Variants in IGSF10 observed in about 807,000 individuals in gnomAD.
The protein encoded by IGSF10 is immunoglobulin superfamily member 10, also known as calvaria mechanical force protein 608.
IGSF10 carries 126 observed loss-of-function variants against 128.2 expected under a neutral mutation model. The ratio of observed to expected loss-of-function variants is 0.98; its 90% CI spans 0.85 to 1.14. IGSF10 has a LOEUF of 1.14. Ranked by LOEUF, IGSF10 falls within the 50% of genes most tolerant of loss-of-function variation. IGSF10 has a pLI of 0.00. For synonymous variants in IGSF10, 1,185 were observed against 1,146.2 expected, an observed-to-expected ratio of 1.03 and a Z score of -0.68; for missense variants, 3,295 against 3,149.8, an observed-to-expected ratio of 1.05 and a Z score of -1.10.
At chr3:151,614,556 C>T in the IGSF10 span, among the ~76,000 whole-genome samples, 1 of 151,974 alleles carries the variant, frequency 6.6e-6, no homozygotes, top group East Asian at 1.9e-4. Flanking sequence ...TCATTCTCAG[C>T]AAACTATCGC....
At chr3:151,435,386 G>GCATAT (rs1720032147), downstream of IGSF10, 1 of 137,010 alleles carries the variant, frequency 7.3e-6, no homozygotes, top group Admixed American at 7.6e-5. Flanking sequence ...GGAGATCAAT[G>GCATAT]CGTAGCTTTG....
the IGSF10 span, among the ~76,000 whole-genome samples, chr3:151,478,114 C>T: frequency 3.3e-5 from 5 of 152,324 alleles, no homozygotes; most frequent in East Asian, 9.6e-4. Flanking sequence ...TCAGGCAGCA[C>T]CTTAAACCTT....
At chr3:151,599,381 A>C in the IGSF10 span, among the ~76,000 whole-genome samples, 1 of 152,154 alleles carries the variant, frequency 6.6e-6, no homozygotes, top group African/African-American at 2.4e-5. Flanking sequence ...AAGCAATAAA[A>C]ATTTTTTGCA....
At chr3:151,494,605 A>G in the IGSF10 span, among the ~76,000 whole-genome samples, 3 of 152,234 alleles carry the variant, frequency 2.0e-5, no homozygotes, top group Admixed American at 6.5e-5. Context: ...TTAGTTCCCA[A>G]TTTAATAATC....
chr3:151,494,838 C>T, the IGSF10 span, among the ~76,000 whole-genome samples: 1 of 152,094 alleles, frequency 6.6e-6, no homozygotes, highest in Non-Finnish European at 1.5e-5. Flanking sequence ...AAGGGTTTGT[C>T]TGACAATTGT....
At position 151,453,777 on chromosome 3, in the gene IGSF10, A is replaced by G. The variant is rs183699462; in HGVS notation, c.325-3T>C. ...TTATTATAGCTCATTTTTAAGACCT[A>G]TGAATTAAAAAAAAGAACATATTTA... On this transcript the variant is annotated splice_polypyrimidine_tract_variant and splice_region_variant and intron_variant, in intron 4 of 7. Transcript: ENST00000282466. The G allele has an allele frequency of 2.0e-4, 294 of 1,471,368 alleles. No homozygotes were observed. The highest frequency in any genetic ancestry group is 1.7e-3 in the Admixed American group (73 of 44,074). 91.1% of individuals were successfully genotyped at this position (1,471,368 alleles called of 1,614,324 possible).
chr3:151,510,808 G>A, the IGSF10 span, among the ~76,000 whole-genome samples: 3 of 152,204 alleles, frequency 2.0e-5, no homozygotes, highest in South Asian at 2.1e-4. Flanking sequence ...CAAGAACCAC[G>A]TGATGAATGC....
the IGSF10 span, among the ~76,000 whole-genome samples, chr3:151,576,165 T>C: frequency 6.6e-6 from 1 of 151,718 alleles, no homozygotes; most frequent in Non-Finnish European, 1.5e-5. Flanking sequence ...AAGTAGCTGC[T>C]ATATTATTTT....
the IGSF10 span, among the ~76,000 whole-genome samples, chr3:151,574,788 G>A: frequency 7.2e-5 from 11 of 152,182 alleles, no homozygotes; most frequent in African/African-American, 2.7e-4. Flanking sequence ...ATCCTTTGGA[G>A]GAGAAAAGGT....
the IGSF10 span, among the ~76,000 whole-genome samples, chr3:151,591,594 T>C: frequency 6.6e-6 from 1 of 151,938 alleles, no homozygotes; most frequent in South Asian, 2.1e-4. Flanking sequence ...GTTAACGATC[T>C]AGAAGTGGGA....
the IGSF10 span, among the ~76,000 whole-genome samples, chr3:151,553,921 T>C: frequency 2.0e-5 from 3 of 151,468 alleles, no homozygotes; most frequent in Admixed American, 2.0e-4. Flanking sequence ...GGAGATCAGC[T>C]TGGGTAACAA....
At chr3:151,522,151 A>G in the IGSF10 span, among the ~76,000 whole-genome samples, 1 of 152,024 alleles carries the variant, frequency 6.6e-6, no homozygotes, top group Admixed American at 6.6e-5. Flanking sequence ...TGAACCAGGA[A>G]GAAAATCCCT....
the IGSF10 span, among the ~76,000 whole-genome samples, chr3:151,603,276 C>T: frequency 1.3e-5 from 2 of 152,194 alleles, no homozygotes; most frequent in Non-Finnish European, 2.9e-5. Flanking sequence ...GCAAGTGACT[C>T]AACCTTTCTG....
the IGSF10 span, among the ~76,000 whole-genome samples, chr3:151,593,305 G>A: frequency 8.8e-4 from 134 of 152,024 alleles, no homozygotes; most frequent in Non-Finnish European, 1.5e-3. Flanking sequence ...TAGAGACGAG[G>A]TTTCACCATG....
the IGSF10 span, among the ~76,000 whole-genome samples, chr3:151,484,326 C>T: frequency 6.6e-6 from 1 of 152,198 alleles, no homozygotes; most frequent in East Asian, 1.9e-4. Context: ...TAAAAACCCC[C>T]ACCTCCCTGG....
intron 5 of IGSF10, 100 bp from the exon 6 acceptor site, chr3:151,449,365 G>T: frequency 1.7e-6 from 2 of 1,211,830 alleles, no homozygotes; most frequent in Non-Finnish European, 2.2e-6. Flanking sequence ...AAACAATTTG[G>T]AAATTTTAGT....
chr3:151,557,219 T>C, the IGSF10 span, among the ~76,000 whole-genome samples: 2 of 152,240 alleles, frequency 1.3e-5, no homozygotes, highest in African/African-American at 4.8e-5. Context: ...AAAGGCCAGA[T>C]GGTTGAAGCT....
chr3:151,537,680 T>G, the IGSF10 span, among the ~76,000 whole-genome samples: 1 of 152,218 alleles, frequency 6.6e-6, no homozygotes, highest in South Asian at 2.1e-4. Context: ...ATTCTAACTT[T>G]AGTCATCACT....
the IGSF10 span, among the ~76,000 whole-genome samples, chr3:151,545,200 T>G: frequency 6.6e-6 from 1 of 152,180 alleles, no homozygotes; most frequent in African/African-American, 2.4e-5. Context: ...TCTATTATTG[T>G]GGGCCTGTTT....
Sources: gnomAD v4.1 joint callset for allele counts (sites outside exome capture counted in the v4.1 genomes callset) on GRCh38, gnomAD v4.1.1 for gene constraint, MANE v1.5 for transcripts, NCBI Gene and HGNC (gene_info 2026-07-23, HGNC 2026-07-21) for gene names.